Variants in KCNH7 observed in about 807,000 individuals in gnomAD.
The protein encoded by KCNH7 is voltage-gated inwardly rectifying potassium channel KCNH7.
Under a neutral mutation model 120.8 loss-of-function variants are expected in KCNH7, and 49 were observed. That is an observed-to-expected ratio of 0.41 (90% CI 0.32 to 0.51). The LOEUF is 0.51. Ranked by LOEUF, KCNH7 falls within the 20% of genes least tolerant of loss-of-function variation. The probability of loss-of-function intolerance (pLI) is 0.38; values close to 1 mark genes in which losing one functional copy is unlikely to be tolerated. For synonymous variants in KCNH7, 547 were observed against 516.1 expected (o/e 1.06, Z -0.81); for missense variants, 1,097 against 1,446.6 (o/e 0.76, Z 3.92).
chr2:162,735,230 G>A (rs1574321668), intron 2 of KCNH7, among the ~76,000 whole-genome samples: 1 of 152,160 alleles, frequency 6.6e-6, no homozygotes, highest in East Asian at 1.9e-4. Flanking sequence ...GGTTACTCTA[G>A]TATGAAGGCC....
intron 3 of KCNH7, among the ~76,000 whole-genome samples, chr2:162,531,783 T>C (rs759607407): frequency 6.6e-6 from 1 of 151,982 alleles, no homozygotes; most frequent in Non-Finnish European, 1.5e-5. Context: ...GTGTCAATAT[T>C]GCTTTAAAAG....
At chr2:162,512,559 T>C (rs1691113632) in intron 5 of KCNH7, 95 bp downstream of exon 5, 5 of 1,028,002 alleles carry the variant, frequency 4.9e-6, no homozygotes, top group Non-Finnish European at 5.9e-6. Context: ...AGCATGAAGA[T>C]GTTGCACTGA....
chr2:162,425,234 C>A (rs377537852), intron 8 of KCNH7, among the ~76,000 whole-genome samples: 1 of 151,860 alleles, frequency 6.6e-6, no homozygotes, highest in Non-Finnish European at 1.5e-5. Flanking sequence ...TATAACTGTG[C>A]GAGCCAATTT....
Position 162,383,433 on chromosome 2 carries a change from C to T in KCNH7, c.2962+1255G>A, listed in dbSNP as rs547513614. ...TCAAGATTTTAGATTGTCCAGAGAACACTTGCATATATTCTTAGCTTACTT... is the reference window on the plus strand; with the variant it reads ...TCAAGATTTTAGATTGTCCAGAGAATACTTGCATATATTCTTAGCTTACTT... On this transcript the variant is annotated intron_variant, in intron 13 of 15. Transcript: ENST00000332142. Among the ~76,000 whole-genome samples the T allele has an allele frequency of 2.0e-5, 3 of 151,980 alleles. No individual in the cohort carries two copies. The South Asian group carries it at 6.2e-4, about 31-fold the overall frequency.
chr2:162,525,956 G>C (rs1691689818), intron 3 of KCNH7, among the ~76,000 whole-genome samples: 1 of 151,382 alleles, frequency 6.6e-6, no homozygotes, highest in South Asian at 2.1e-4. Context: ...ACTCTATCGG[G>C]GGAAATTCAG....
At chr2:162,642,084 A>G (rs1366273544) in intron 2 of KCNH7, among the ~76,000 whole-genome samples, 1 of 152,178 alleles carries the variant, frequency 6.6e-6, no homozygotes, top group Non-Finnish European at 1.5e-5. Flanking sequence ...AATAAATTCC[A>G]ATAGATAAGT....
chr2:162,799,916 C>T (rs1051314789), intron 2 of KCNH7, among the ~76,000 whole-genome samples: 1 of 149,278 alleles, frequency 6.7e-6, no homozygotes, highest in Non-Finnish European at 1.5e-5. Flanking sequence ...AAGAAAGGGA[C>T]TTTGCATTAT....
At chr2:162,380,141 A>G (rs1686363946) in intron 13 of KCNH7, 120 bp from the exon 14 acceptor site, 2 of 1,199,332 alleles carry the variant, frequency 1.7e-6, no homozygotes, top group Non-Finnish European at 2.3e-6. Flanking sequence ...ACAGAGAACC[A>G]AAAGTATTCA....
intron 2 of KCNH7, among the ~76,000 whole-genome samples, chr2:162,747,968 T>A (rs893129162): frequency 2.6e-5 from 4 of 152,180 alleles, no homozygotes; most frequent in African/African-American, 9.7e-5. Context: ...GGCAGCCCCT[T>A]TATGGTTTAC....
chr2:162,636,454 C>A (rs2105227772), intron 2 of KCNH7, among the ~76,000 whole-genome samples: 1 of 152,200 alleles, frequency 6.6e-6, no homozygotes, highest in East Asian at 1.9e-4. Flanking sequence ...TTTCCTAATC[C>A]ATGCAAAATC....
chr2:162,661,635 T>C (rs1462419666), intron 2 of KCNH7, among the ~76,000 whole-genome samples: 2 of 152,134 alleles, frequency 1.3e-5, no homozygotes, highest in Admixed American at 6.5e-5. Context: ...GTCTGTGGTA[T>C]AGACAGGGAT....
chr2:162,462,695 A>C (rs1689185094), intron 6 of KCNH7, among the ~76,000 whole-genome samples: 5 of 152,018 alleles, frequency 3.3e-5, no homozygotes. Flanking sequence ...CAGTTAGATG[A>C]TTCCTCATTA....
At chr2:162,503,209 C>T (rs981913394) in intron 6 of KCNH7, among the ~76,000 whole-genome samples, 1 of 151,984 alleles carries the variant, frequency 6.6e-6, no homozygotes, top group Non-Finnish European at 1.5e-5. Context: ...AACTTTTCTT[C>T]TGTCTCCTCT....
At chr2:162,535,102 T>C (rs1692063369) in intron 3 of KCNH7, among the ~76,000 whole-genome samples, 1 of 151,858 alleles carries the variant, frequency 6.6e-6, no homozygotes, top group East Asian at 1.9e-4. Context: ...ATAAAGCACA[T>C]ACAACTCAAC....
chr2:162,679,086 A>G (rs979220585), intron 2 of KCNH7, among the ~76,000 whole-genome samples: 1 of 151,640 alleles, frequency 6.6e-6, no homozygotes, highest in African/African-American at 2.4e-5. Flanking sequence ...AAAGAGCAGC[A>G]TGTTATCCTG....
At chr2:162,408,589 T>C (rs1295365599) in intron 9 of KCNH7, among the ~76,000 whole-genome samples, 1 of 151,974 alleles carries the variant, frequency 6.6e-6, no homozygotes, top group African/African-American at 2.4e-5. Context: ...CATTCAATCA[T>C]ATCATACATA....
chr2:162,401,236 T>G (rs1414862415), intron 9 of KCNH7, among the ~76,000 whole-genome samples: 4 of 151,920 alleles, frequency 2.6e-5, no homozygotes, highest in Non-Finnish European at 5.9e-5. Context: ...AATAAAATTA[T>G]TTGCTATTTT....
chr2:162,706,681 T>C (rs147999105), intron 2 of KCNH7, among the ~76,000 whole-genome samples: 3 of 152,198 alleles, frequency 2.0e-5, no homozygotes, highest in African/African-American at 7.2e-5. Flanking sequence ...ACAGAGCTCT[T>C]GATAAATTGT....
intron 2 of KCNH7, chr2:162,797,165 T>C (rs761676805): frequency 6.6e-6 from 1 of 152,094 alleles, no homozygotes; most frequent in Non-Finnish European, 1.5e-5. Flanking sequence ...TGGCCACCAA[T>C]GACTGCAGTC....
Sources: gnomAD v4.1 joint callset for allele counts (sites outside exome capture counted in the v4.1 genomes callset) on GRCh38, gnomAD v4.1.1 for gene constraint, MANE v1.5 for transcripts, NCBI Gene and HGNC (gene_info 2026-07-23, HGNC 2026-07-21) for gene names.